The following RNF150 variants were observed in gnomAD, a reference collection of about 807,000 sequenced individuals.
The protein encoded by RNF150 is ring finger protein 150.
RNF150 carries 24 observed loss-of-function variants against 39.3 expected under a neutral mutation model. That is an observed-to-expected ratio of 0.61 (90% CI 0.44 to 0.86). The LOEUF (loss-of-function observed/expected upper bound fraction) is 0.86, where lower values mean the gene tolerates loss of function less well. RNF150 is among the 40% of genes least tolerant of loss of function. The probability of loss-of-function intolerance (pLI) is 0.00; values close to 1 mark genes in which losing one functional copy is unlikely to be tolerated. For synonymous variants in RNF150, 255 were observed against 227.3 expected, an observed-to-expected ratio of 1.12 and a Z score of -1.10; for missense variants, 502 against 587.8, an observed-to-expected ratio of 0.85 and a Z score of 1.51.
intron 2 of RNF150, among the ~76,000 whole-genome samples, chr4:140,961,186 C>A (rs1733009190): frequency 6.6e-6 from 1 of 152,242 alleles, no homozygotes; most frequent in East Asian, 1.9e-4. Context: ...TCCATGTTAC[C>A]ATCTAAAAGA....
chr4:140,918,530 G>A (rs1408329463), intron 5 of RNF150, among the ~76,000 whole-genome samples: 2 of 152,140 alleles, frequency 1.3e-5, no homozygotes, highest in Non-Finnish European at 2.9e-5. Flanking sequence ...CTCTGAAATT[G>A]TGGCAATAAT....
chr4:141,082,689 C>G (rs1578708725), intron 1 of RNF150, among the ~76,000 whole-genome samples: 1 of 151,154 alleles, frequency 6.6e-6, no homozygotes, highest in African/African-American at 2.4e-5. Flanking sequence ...CCCAGGTTCA[C>G]GCCATTCTCC....
chr4:141,164,495 A>G (rs1030728481), intron 1 of RNF150, among the ~76,000 whole-genome samples: 3 of 152,192 alleles, frequency 2.0e-5, no homozygotes, highest in African/African-American at 4.8e-5. Flanking sequence ...CCCAAGACAC[A>G]TAATCAACCA....
chr4:140,952,205 G>A (rs2111383189), intron 2 of RNF150, among the ~76,000 whole-genome samples: 1 of 152,008 alleles, frequency 6.6e-6, no homozygotes, highest in East Asian at 1.9e-4. Context: ...AGTAGAGATG[G>A]GTTTCACTAC....
At chr4:140,893,754 A>G (rs1729843650) in intron 6 of RNF150, among the ~76,000 whole-genome samples, 1 of 152,144 alleles carries the variant, frequency 6.6e-6, no homozygotes, top group Admixed American at 6.5e-5. Context: ...AATTGAGAAG[A>G]ACTGAAAAGG....
Position 141,203,746 on chromosome 4 carries a change from CT to C in RNF150, c.-6+9047del, listed in dbSNP as rs1728329976. ...CTGAGGCGGATAGAGAAAAGTCCCC[CT>C]GAGAAGGAAAGGCATGGGTTTGGGC... On this transcript the variant is annotated intron_variant, in intron 1 of 7. Transcript: ENST00000420921. Among the ~76,000 whole-genome samples, 3 of 140,588 alleles carry C rather than the reference CT, an allele frequency of 2.1e-5. No individual in the cohort carries two copies. In the South Asian group the frequency reaches 7.2e-4, roughly 34 times the overall value. The allele number at this position is 140,588 out of a possible 152,430, so 92.2% of individuals were successfully genotyped here.
intron 6 of RNF150, among the ~76,000 whole-genome samples, chr4:140,885,508 C>T (rs1247833496): frequency 6.8e-6 from 1 of 145,990 alleles, no homozygotes; most frequent in African/African-American, 2.6e-5. Flanking sequence ...GCGATCTCGG[C>T]TCACTGCAAC....
chr4:141,115,653 T>C (rs1739528066), intron 1 of RNF150, among the ~76,000 whole-genome samples: 1 of 152,180 alleles, frequency 6.6e-6, no homozygotes. Context: ...TTAAATTTCA[T>C]ATGGAACCAA....
At chr4:140,969,929 A>G (rs1454098663) in intron 1 of RNF150, among the ~76,000 whole-genome samples, 2 of 151,768 alleles carry the variant, frequency 1.3e-5, no homozygotes, top group Non-Finnish European at 2.9e-5. Flanking sequence ...ATGCCTTGCT[A>G]ATTTTTGTCT....
At chr4:140,870,543 G>A (rs28487280) in intron 6 of RNF150, among the ~76,000 whole-genome samples, 31,282 of 151,628 alleles carry the variant, frequency 0.21, 3,418 homozygotes, top group Middle Eastern at 0.32. Flanking sequence ...CCTGACCTTC[G>A]GGAAATTCTC....
At chr4:141,049,256 T>C (rs1236038317) in intron 1 of RNF150, among the ~76,000 whole-genome samples, 1 of 151,240 alleles carries the variant, frequency 6.6e-6, no homozygotes, top group Non-Finnish European at 1.5e-5. Flanking sequence ...ATAAGGACAT[T>C]TGCCAACAAA....
chr4:140,962,659 G>T (rs1178439633), intron 2 of RNF150, among the ~76,000 whole-genome samples: 3 of 151,870 alleles, frequency 2.0e-5, no homozygotes, highest in Admixed American at 6.6e-5. Flanking sequence ...AGTCATCAAA[G>T]AATCTATATG....
At chr4:140,884,368 T>C (rs1729487060) in intron 6 of RNF150, among the ~76,000 whole-genome samples, 1 of 152,222 alleles carries the variant, frequency 6.6e-6, no homozygotes, top group South Asian at 2.1e-4. Context: ...CTCCTTTTCA[T>C]GCTTTGTTGG....
At chr4:141,180,296 G>A (rs967000025) in intron 1 of RNF150, among the ~76,000 whole-genome samples, 32 of 152,296 alleles carry the variant, frequency 2.1e-4, no homozygotes, top group African/African-American at 7.7e-4. Context: ...CAAGCAGAGA[G>A]CTTACACCGC....
chr4:140,941,484 A>C (rs1245510340), intron 4 of RNF150, among the ~76,000 whole-genome samples: 1 of 152,218 alleles, frequency 6.6e-6, no homozygotes, highest in African/African-American at 2.4e-5. Flanking sequence ...TTTTAGAAAA[A>C]CAGAAGGATC....
rs572255481 is a variant in RNF150, at chr4:140,908,362, C to A, written c.1198+2782G>T. ...CATGTTTGTAAAATTCTGAGAAATC[C>A]TAATAAATAAAGCTAACCAGAAATA... On this transcript the variant is annotated intron_variant, in intron 6 of 6. Transcript: ENST00000515673. 7.9e-4 allele frequency among the ~76,000 whole-genome samples: 120 copies of A among 152,190 alleles called. 1 individual carries two copies. The highest frequency in any genetic ancestry group is 3.4e-3 in the Middle Eastern group (1 of 294).
chr4:141,057,692 T>C (rs1176717532), intron 1 of RNF150, among the ~76,000 whole-genome samples: 1 of 152,112 alleles, frequency 6.6e-6, no homozygotes, highest in Non-Finnish European at 1.5e-5. Context: ...ACCTCTCACC[T>C]CTTTGACATG....
chr4:140,920,696 C>T (rs568024117), intron 5 of RNF150, among the ~76,000 whole-genome samples: 2 of 152,170 alleles, frequency 1.3e-5, no homozygotes, highest in South Asian at 4.2e-4. Flanking sequence ...GGTATATACC[C>T]TAAGGATTAT....
At chr4:141,094,347 A>G (rs920104014) in intron 1 of RNF150, among the ~76,000 whole-genome samples, 6 of 152,394 alleles carry the variant, frequency 3.9e-5, no homozygotes, top group Middle Eastern at 3.4e-3. Context: ...AGTGACTAGT[A>G]ACTGTATATT....
Sources: allele counts gnomAD v4.1 joint callset (sites outside exome capture counted in the v4.1 genomes callset), GRCh38; gene constraint gnomAD v4.1.1; transcripts MANE v1.5; gene names NCBI Gene and HGNC (gene_info 2026-07-23, HGNC 2026-07-21).